The following PAK1 variants were observed in gnomAD, a reference collection of about 807,000 sequenced individuals.
The protein encoded by PAK1 is p21 (RAC1) activated kinase 1.
Under a neutral mutation model 67.4 loss-of-function variants are expected in PAK1, and 29 were observed. That is an observed-to-expected ratio of 0.43 (90% CI 0.32 to 0.59). PAK1 has a LOEUF of 0.59. Among genes scored for constraint, PAK1 ranks in the 20% least tolerant of loss-of-function variants. PAK1 has a pLI of 0.07. For missense variants in PAK1, 337 were observed against 670.7 expected, an observed-to-expected ratio of 0.50 and a Z score of 5.50; for synonymous variants, 223 against 237.4, an observed-to-expected ratio of 0.94 and a Z score of 0.56.
the PAK1 span, among the ~76,000 whole-genome samples, chr11:77,501,491 G>A: frequency 6.6e-6 from 1 of 152,056 alleles, no homozygotes; most frequent in African/African-American, 2.4e-5. Context: ...GCTTTCCCTT[G>A]GGGAACCACC....
intron 5 of PAK1, among the ~76,000 whole-genome samples, chr11:77,371,023 T>C (rs1452456961): frequency 2.6e-5 from 4 of 152,212 alleles, no homozygotes; most frequent in African/African-American, 7.2e-5. Flanking sequence ...CACTATATTA[T>C]AAATCCTTGT....
chr11:77,472,409 A>T (rs1358921376), intron 1 of PAK1, among the ~76,000 whole-genome samples: 1 of 152,236 alleles, frequency 6.6e-6, no homozygotes, highest in Non-Finnish European at 1.5e-5. Context: ...AATGGGAAGA[A>T]ATCAGCTCTG....
chr11:77,460,381 A>G (rs1258932937), intron 1 of PAK1, among the ~76,000 whole-genome samples: 1 of 146,634 alleles, frequency 6.8e-6, no homozygotes, highest in Non-Finnish European at 1.5e-5. Flanking sequence ...TAATGGCCTT[A>G]GCAAGAGCAG....
intron 1 of PAK1, among the ~76,000 whole-genome samples, chr11:77,392,770 T>C (rs753427908): frequency 3.9e-5 from 6 of 152,170 alleles, no homozygotes; most frequent in Non-Finnish European, 8.8e-5. Flanking sequence ...GCATTCCCAT[T>C]CTGAGACATT....
At chr11:77,347,301 G>A (rs1383521648) in intron 9 of PAK1, among the ~76,000 whole-genome samples, 1 of 152,128 alleles carries the variant, frequency 6.6e-6, no homozygotes, top group African/African-American at 2.4e-5. Flanking sequence ...AGGCCAGAAG[G>A]GACTCTAGTA....
intron 14 of PAK1, among the ~76,000 whole-genome samples, chr11:77,324,092 C>A (rs912151738): frequency 6.6e-6 from 1 of 151,488 alleles, no homozygotes; most frequent in Non-Finnish European, 1.5e-5. Flanking sequence ...ATACCTTCAA[C>A]ATTTAATGAC....
At chr11:77,502,332 A>C in the PAK1 span, among the ~76,000 whole-genome samples, 8 of 152,212 alleles carry the variant, frequency 5.3e-5, no homozygotes, top group African/African-American at 1.9e-4. Flanking sequence ...GACTTCATAA[A>C]TGTCTATTAT....
At chr11:77,443,325 GA>G (rs989036656) in intron 1 of PAK1, among the ~76,000 whole-genome samples, 1 of 134,500 alleles carries the variant, frequency 7.4e-6, no homozygotes, top group African/African-American at 2.7e-5. Flanking sequence ...AAAAAAAAAA[GA>G]ATTATACAAA....
chr11:77,479,363 G>A (rs1246816910), upstream of PAK1, among the ~76,000 whole-genome samples: 1 of 152,072 alleles, frequency 6.6e-6, no homozygotes, highest in Non-Finnish European at 1.5e-5. Context: ...CACAGAAACT[G>A]TCAGATAATG....
chr11:77,391,772 A>T (rs1351416532), intron 2 of PAK1, among the ~76,000 whole-genome samples: 1 of 152,206 alleles, frequency 6.6e-6, no homozygotes, highest in East Asian at 1.9e-4. Context: ...TATTAACAGA[A>T]GTTTTATCAA....
At chr11:77,526,915 C>CA in the PAK1 span, among the ~76,000 whole-genome samples, 1,675 of 98,178 alleles carry the variant, frequency 0.017, 15 homozygotes, top group Admixed American at 0.037. Flanking sequence ...GACTCCATCG[C>CA]AAAAAAAAAA....
At chr11:77,430,149 A>G (rs1955793535) in intron 1 of PAK1, among the ~76,000 whole-genome samples, 1 of 152,108 alleles carries the variant, frequency 6.6e-6, no homozygotes, top group Admixed American at 6.5e-5. Flanking sequence ...TGTGGTGCCA[A>G]AGAAAATACT....
chr11:77,467,758 T>C (rs1957665415), intron 1 of PAK1, among the ~76,000 whole-genome samples: 1 of 152,244 alleles, frequency 6.6e-6, no homozygotes, highest in South Asian at 2.1e-4. Context: ...ACATATATTA[T>C]TAATCTTCAC....
chr11:77,484,192 T>C, the PAK1 span, among the ~76,000 whole-genome samples: 4 of 113,412 alleles, frequency 3.5e-5, no homozygotes, highest in African/African-American at 1.5e-4. Context: ...AAACCATGAG[T>C]AAGCCAAAAA....
chr11:77,385,421 C>A (rs1950324513), intron 2 of PAK1, among the ~76,000 whole-genome samples: 1 of 152,236 alleles, frequency 6.6e-6, no homozygotes, highest in South Asian at 2.1e-4. Flanking sequence ...CATTAAAATT[C>A]TATCTCACAT....
chr11:77,435,562 C>T (rs1254762346), intron 1 of PAK1, among the ~76,000 whole-genome samples: 4 of 147,886 alleles, frequency 2.7e-5, no homozygotes, highest in African/African-American at 7.5e-5. Flanking sequence ...GGCCTGATCT[C>T]GGCTCACTGC....
At chr11:77,386,000 G>C (rs560490270) in intron 2 of PAK1, among the ~76,000 whole-genome samples, 1 of 152,310 alleles carries the variant, frequency 6.6e-6, no homozygotes, top group Admixed American at 6.5e-5. Flanking sequence ...GTTGAGGTGA[G>C]AAAGAGGAAA....
intron 5 of PAK1, among the ~76,000 whole-genome samples, chr11:77,373,650 T>C (rs1203853649): frequency 7.1e-6 from 1 of 140,350 alleles, no homozygotes; most frequent in Non-Finnish European, 1.6e-5. Context: ...CAACATCACA[T>C]TTTATCCCTG....
chr11:77,493,596 A>C, the PAK1 span, among the ~76,000 whole-genome samples: 1 of 151,186 alleles, frequency 6.6e-6, no homozygotes, highest in African/African-American at 2.4e-5. Context: ...CCTGGCCTGC[A>C]CTCAGTCTTG....
Sources: gnomAD v4.1 joint callset for allele counts (sites outside exome capture counted in the v4.1 genomes callset) on GRCh38, gnomAD v4.1.1 for gene constraint, MANE v1.5 for transcripts, NCBI Gene and HGNC (gene_info 2026-07-23, HGNC 2026-07-21) for gene names.